EYS: variants seen among roughly 807,000 people sequenced by gnomAD.
EYS encodes the protein protein eyes shut homolog.
In EYS, 250 loss-of-function variants were observed where a neutral mutation model predicts 282.1. The observed-to-expected ratio is 0.89, with a 90% CI of 0.80 to 0.98. The LOEUF is 0.98. Ranked by LOEUF, EYS falls within the 50% of genes least tolerant of loss-of-function variation. The pLI, the probability that EYS is intolerant of heterozygous loss-of-function variation, is 0.00. For missense variants in EYS, 4,016 were observed against 3,709.0 expected, an observed-to-expected ratio of 1.08 and a Z score of -2.15; for synonymous variants, 1,355 against 1,282.9, an observed-to-expected ratio of 1.06 and a Z score of -1.20.
intron 2 of EYS, among the ~76,000 whole-genome samples, chr6:65,508,502 T>C (rs997660727): frequency 6.6e-6 from 1 of 151,570 alleles, no homozygotes; most frequent in African/African-American, 2.4e-5. Context: ...TGAAACCCCA[T>C]CTCTACTAAA....
At chr6:65,289,723 A>G (rs1272220301) in intron 12 of EYS, among the ~76,000 whole-genome samples, 1 of 151,332 alleles carries the variant, frequency 6.6e-6, no homozygotes, top group East Asian at 1.9e-4. Flanking sequence ...AACAAATCAT[A>G]GCAGTATTTC....
At chr6:65,491,712 C>T (rs1766051363) in intron 4 of EYS, 1 of 292,506 alleles carries the variant, frequency 3.4e-6, no homozygotes, top group Non-Finnish European at 6.8e-6. Context: ...CTAATTAAAA[C>T]TTAGTGAGTT....
intron 11 of EYS, among the ~76,000 whole-genome samples, chr6:65,333,780 A>G (rs1769881938): frequency 6.6e-6 from 1 of 151,560 alleles, no homozygotes; most frequent in African/African-American, 2.4e-5. Context: ...CTTTTCTGAT[A>G]GTTTGATTCT....
chr6:65,264,406 A>G (rs1434014810), intron 12 of EYS, among the ~76,000 whole-genome samples: 1 of 152,114 alleles, frequency 6.6e-6, no homozygotes, highest in Non-Finnish European at 1.5e-5. Flanking sequence ...ATGAGACTGG[A>G]TTTTTAAAAA....
chr6:64,385,193 A>G (rs1250575340), intron 29 of EYS, among the ~76,000 whole-genome samples: 2 of 152,142 alleles, frequency 1.3e-5, no homozygotes, highest in Non-Finnish European at 1.5e-5. Flanking sequence ...TGAATTTCCT[A>G]TCTTTCTTTT....
At chr6:64,681,816 A>G (rs1021016048) in intron 22 of EYS, among the ~76,000 whole-genome samples, 9 of 152,168 alleles carry the variant, frequency 5.9e-5, no homozygotes, top group African/African-American at 2.2e-4. Context: ...GTTACGTGCT[A>G]CGGGAAGAGT....
chr6:65,319,167 T>G (rs1398882613), intron 11 of EYS, among the ~76,000 whole-genome samples: 1 of 118,064 alleles, frequency 8.5e-6, no homozygotes, highest in Admixed American at 1.1e-4. Flanking sequence ...GAGACCAAAC[T>G]GGCCAACATG....
chr6:65,591,596 T>C (rs1356510979), intron 2 of EYS, among the ~76,000 whole-genome samples: 3 of 151,944 alleles, frequency 2.0e-5, no homozygotes, highest in African/African-American at 4.8e-5. Flanking sequence ...CTCCTAATAA[T>C]GCAAAAATTT....
intron 2 of EYS, among the ~76,000 whole-genome samples, chr6:65,534,710 G>C (rs906164856): frequency 2.6e-5 from 4 of 152,030 alleles, no homozygotes; most frequent in African/African-American, 9.7e-5. Flanking sequence ...CATGGCAACA[G>C]CCTCCAATCA....
chr6:65,703,069 A>G (rs13195474), intron 1 of EYS, among the ~76,000 whole-genome samples: 20,258 of 152,084 alleles, frequency 0.13, 1,529 homozygotes, highest in South Asian at 0.29. Context: ...CTGCCTTCCA[A>G]TTAGAGCTGC....
At chr6:65,273,265 A>G (rs1767952379) in intron 12 of EYS, among the ~76,000 whole-genome samples, 1 of 152,180 alleles carries the variant, frequency 6.6e-6, no homozygotes, top group Admixed American at 6.6e-5. Flanking sequence ...TGGAAAGTGA[A>G]ACTACAGATA....
chr6:65,206,946 T>C (rs1196470854), intron 12 of EYS, among the ~76,000 whole-genome samples: 4 of 151,630 alleles, frequency 2.6e-5, no homozygotes, highest in Non-Finnish European at 5.9e-5. Context: ...TTGAAAGCAT[T>C]CCCCCTAAGA....
At chr6:64,974,119 T>G (rs529916023) in intron 14 of EYS, among the ~76,000 whole-genome samples, 10 of 151,986 alleles carry the variant, frequency 6.6e-5, no homozygotes, top group African/African-American at 2.4e-4. Flanking sequence ...TTTCTTAAAA[T>G]CATTTGTTTA....
chr6:65,051,459 A>G (rs1252562504), intron 13 of EYS, among the ~76,000 whole-genome samples: 2 of 151,614 alleles, frequency 1.3e-5, no homozygotes, highest in East Asian at 1.9e-4. Flanking sequence ...TATATGTAGC[A>G]TTCAATGTGA....
chr6:64,047,127 C>T (rs943785862), intron 33 of EYS, among the ~76,000 whole-genome samples: 1 of 151,556 alleles, frequency 6.6e-6, no homozygotes. Context: ...CCTTTTTCCC[C>T]AGGTAAAGAT....
At chr6:64,725,897 A>G (rs1308093634) in intron 22 of EYS, among the ~76,000 whole-genome samples, 3 of 152,134 alleles carry the variant, frequency 2.0e-5, no homozygotes, top group Non-Finnish European at 4.4e-5. Flanking sequence ...ATGTAGCTAC[A>G]TTGCTGATAC....
intron 13 of EYS, among the ~76,000 whole-genome samples, chr6:65,009,677 T>C (rs746319597): frequency 1.3e-5 from 2 of 152,154 alleles, no homozygotes; most frequent in Admixed American, 6.5e-5. Flanking sequence ...ACATGGATGA[T>C]TTACTTTTAG....
At chr6:65,175,096 A>G (rs952200491) in intron 12 of EYS, among the ~76,000 whole-genome samples, 3 of 151,332 alleles carry the variant, frequency 2.0e-5, no homozygotes, top group Admixed American at 6.6e-5. Flanking sequence ...TTTTTGAAAC[A>G]GTACCATTGG....
chr6:63,930,019 T>TC (rs1158057861), intron 35 of EYS, among the ~76,000 whole-genome samples: 7 of 152,178 alleles, frequency 4.6e-5, no homozygotes, highest in African/African-American at 1.7e-4. Context: ...TCCTACCGTG[T>TC]GAGATTAAAA....
Sources: gnomAD v4.1 joint callset for allele counts (sites outside exome capture counted in the v4.1 genomes callset) on GRCh38, gnomAD v4.1.1 for gene constraint, MANE v1.5 for transcripts, NCBI Gene and HGNC (gene_info 2026-07-23, HGNC 2026-07-21) for gene names.